The following SMARCD3 variants were observed in gnomAD, a reference collection of about 807,000 sequenced individuals.
The protein encoded by SMARCD3 is SWI/SNF related BAF chromatin remodeling complex subunit D3.
Under a neutral mutation model 58.0 loss-of-function variants are expected in SMARCD3, and 14 were observed. The observed-to-expected ratio is 0.24, with a 90% CI of 0.16 to 0.38. The LOEUF (loss-of-function observed/expected upper bound fraction) is 0.38, where lower values mean the gene tolerates loss of function less well. SMARCD3 is among the 10% of genes least tolerant of loss of function. The pLI, the probability that SMARCD3 is intolerant of heterozygous loss-of-function variation, is 1.00. For synonymous variants in SMARCD3, 253 were observed against 253.8 expected (o/e 1.00, Z 0.03); for missense variants, 408 against 636.9 (o/e 0.64, Z 3.87).
chr7:151,268,443 A>G (rs554135315), intron 2 of SMARCD3, among the ~76,000 whole-genome samples: 2 of 152,326 alleles, frequency 1.3e-5, no homozygotes, highest in East Asian at 3.9e-4. Context: ...GTGAAAGTCA[A>G]TGAGTGGAAC....
At chr7:151,273,401 T>C (rs1795238142) in intron 2 of SMARCD3, among the ~76,000 whole-genome samples, 2 of 152,194 alleles carry the variant, frequency 1.3e-5, no homozygotes, top group African/African-American at 4.8e-5. Flanking sequence ...ACGAAGGGCA[T>C]GTCAAATATT....
upstream of SMARCD3, among the ~76,000 whole-genome samples, chr7:151,249,615 G>A (rs1803443579): frequency 6.6e-6 from 1 of 151,124 alleles, no homozygotes. The surrounding 1 kb of genome is among the most constrained non-coding windows in gnomAD (Gnocchi z 4.8). Flanking sequence ...TGGGTGCGTG[G>A]AGAGAACGAG....
intron 9 of SMARCD3, 64 bp from the exon 10 acceptor site, chr7:151,240,311 T>C (rs977970625): frequency 6.2e-7 from 1 of 1,608,432 alleles, no homozygotes; most frequent in Non-Finnish European, 8.5e-7. Flanking sequence ...GCCCCGGGGC[T>C]GGGGCAGATC....
chr7:151,254,037 C>A (rs183530385), intron 2 of SMARCD3, among the ~76,000 whole-genome samples: 3 of 152,320 alleles, frequency 2.0e-5, no homozygotes, highest in African/African-American at 7.2e-5. Flanking sequence ...AAGGGGATCG[C>A]ATGGCCTCGG....
intron 2 of SMARCD3, among the ~76,000 whole-genome samples, chr7:151,257,083 A>G (rs1447648158): frequency 1.3e-5 from 2 of 152,106 alleles, no homozygotes; most frequent in Non-Finnish European, 2.9e-5. Flanking sequence ...TAGAGGCAAA[A>G]TCTCACTATG....
intron 2 of SMARCD3, among the ~76,000 whole-genome samples, chr7:151,273,526 C>T (rs1004760867): frequency 6.6e-6 from 1 of 152,260 alleles, no homozygotes; most frequent in African/African-American, 2.4e-5. Flanking sequence ...CACCCCAGAA[C>T]TGTAGAGTGC....
chr7:151,268,274 T>C (rs1289483555), intron 2 of SMARCD3, among the ~76,000 whole-genome samples: 1 of 152,148 alleles, frequency 6.6e-6, no homozygotes, highest in Non-Finnish European at 1.5e-5. Flanking sequence ...AAATGAGAAA[T>C]TTGGCAAGAC....
intron 2 of SMARCD3, among the ~76,000 whole-genome samples, chr7:151,257,682 C>T (rs1803745757): frequency 6.6e-6 from 1 of 152,156 alleles, no homozygotes; most frequent in Non-Finnish European, 1.5e-5. Flanking sequence ...AGGACACTTT[C>T]CCCTCTTGGC....
In SMARCD3 at chr7:151,245,850, C is replaced by G; in HGVS notation, c.79-179G>C. ...AGGGGCAGGGGCGCCGGAATCTGCG[C>G]GGCTCTGGCGGAGGGGCTTGGCGTC... On this transcript the variant is annotated intron_variant, in intron 1 of 12. Transcript: ENST00000262188. The surrounding 1 kb of genome is among the most constrained non-coding windows in gnomAD (Gnocchi z 6.2). 1 of 382,168 alleles carries G rather than the reference C, an allele frequency of 2.6e-6. No individual in the cohort carries two copies. The highest frequency in any genetic ancestry group is 4.6e-6 in the Non-Finnish European group (1 of 215,632). 23.7% of individuals were successfully genotyped at this position (382,168 alleles called of 1,614,324 possible). A position where few individuals can be genotyped will look rare whatever the true frequency, so the allele number is the denominator to read the frequency against.
At chr7:151,275,160 A>C in exon 2 of SMARCD3, 1 of 1,611,618 alleles carries the variant, frequency 6.2e-7, no homozygotes, top group Non-Finnish European at 8.5e-7. Flanking sequence ...CATAGATGGC[A>C]GGGTCCTGCA....
chr7:151,249,660 G>A (rs1325166347), upstream of SMARCD3, among the ~76,000 whole-genome samples: 2 of 150,754 alleles, frequency 1.3e-5, no homozygotes, highest in East Asian at 4.0e-4. The surrounding 1 kb of genome is among the most constrained non-coding windows in gnomAD (Gnocchi z 4.8). Context: ...GGTGGGGGTG[G>A]AGTGGGGTTA....
chr7:151,251,719 C>T (rs868367609), upstream of SMARCD3, among the ~76,000 whole-genome samples: 28 of 152,108 alleles, frequency 1.8e-4, no homozygotes, highest in Middle Eastern at 3.4e-3. Flanking sequence ...GCGAGGGCGG[C>T]CGCCCGGCGC....
At chr7:151,274,722 A>G (rs1164614340) in intron 2 of SMARCD3, among the ~76,000 whole-genome samples, 1 of 152,154 alleles carries the variant, frequency 6.6e-6, no homozygotes, top group Non-Finnish European at 1.5e-5. Context: ...TCATGTACGC[A>G]GTGAGAGGAG....
upstream of SMARCD3, chr7:151,248,741 C>A (rs949118402): frequency 9.3e-5 from 106 of 1,137,512 alleles, no homozygotes; most frequent in Middle Eastern, 7.1e-4. This position sits in a 1 kb window ranked among gnomAD's most constrained non-coding sequence, Gnocchi z 6.1. Flanking sequence ...ACGGCCCACG[C>A]CGCCGCCGCC....
chr7:151,267,481 G>T (rs1313170928), intron 2 of SMARCD3, among the ~76,000 whole-genome samples: 1 of 152,206 alleles, frequency 6.6e-6, no homozygotes, highest in African/African-American at 2.4e-5. Flanking sequence ...GTCCTCAGGG[G>T]TTGGTACTCC....
rs189640905 is a variant in SMARCD3 at position 151,239,951 on chromosome 7, C to T, written c.1173+161G>A. Reference sequence around the variant, plus strand: ...GAGGTTCAGCTCCAAGCAGCATGGACGGGCCATGTGTGTCCCATTGGCCCA... The same window carrying T: ...GAGGTTCAGCTCCAAGCAGCATGGATGGGCCATGTGTGTCCCATTGGCCCA... On this transcript the variant is annotated intron_variant, in intron 10 of 12. Transcript: ENST00000262188. The surrounding 1 kb of genome is among the most constrained non-coding windows in gnomAD (Gnocchi z 7.0). 2.6e-4 allele frequency among the ~76,000 whole-genome samples: 39 copies of T among 149,728 alleles called. No homozygotes were observed. The highest frequency in any genetic ancestry group is 3.5e-3 in the Middle Eastern group (1 of 286).
Position 151,248,012 on chromosome 7 carries a change from C to T in SMARCD3, c.78+473G>A, listed in dbSNP as rs1290823512. Among the ~76,000 whole-genome samples, 1 of 152,118 alleles carries T rather than the reference C, an allele frequency of 6.6e-6. No homozygotes were observed. Among genetic ancestry groups the T allele is most frequent in the Admixed American group, 6.5e-5 (1 of 15,284 alleles). ...AGAGGTGGCTCAGCCTGCGAGCTTC[C>T]CGCTACAGTGCCTCCAGGGTCACCT... On this transcript the variant is annotated intron_variant, in intron 1 of 12. Coordinates refer to ENST00000262188, the MANE Select transcript of SMARCD3 (RefSeq NM_001003801.2). The surrounding 1 kb of genome is among the most constrained non-coding windows in gnomAD (Gnocchi z 6.1).
intron 2 of SMARCD3, among the ~76,000 whole-genome samples, chr7:151,261,453 G>A (rs752067299): frequency 1.3e-5 from 2 of 152,210 alleles, no homozygotes; most frequent in Non-Finnish European, 1.5e-5. Context: ...CCCTGATCAT[G>A]TTACCTGACC....
At chr7:151,248,733 G>T, upstream of SMARCD3, 1 of 1,185,056 alleles carries the variant, frequency 8.4e-7, no homozygotes, top group Non-Finnish European at 1.0e-6. This position sits in a 1 kb window ranked among gnomAD's most constrained non-coding sequence, Gnocchi z 6.1. Flanking sequence ...GACGGCCCAC[G>T]GCCCACGCCG....
Sources: allele counts gnomAD v4.1 joint callset (sites outside exome capture counted in the v4.1 genomes callset), GRCh38; gene constraint gnomAD v4.1.1; non-coding constraint Gnocchi (gnomAD v3.1); transcripts MANE v1.5; gene names NCBI Gene and HGNC (gene_info 2026-07-23, HGNC 2026-07-21).